The following PDZRN3 variants were observed in gnomAD, a reference collection of about 807,000 sequenced individuals.
The protein encoded by PDZRN3 is E3 ubiquitin-protein ligase PDZRN3.
Under a neutral mutation model 85.7 loss-of-function variants are expected in PDZRN3, and 38 were observed. That is an observed-to-expected ratio of 0.44 (90% CI 0.34 to 0.58). The LOEUF (loss-of-function observed/expected upper bound fraction) is 0.58. Ranked by LOEUF, PDZRN3 falls within the 20% of genes least tolerant of loss-of-function variation. The pLI is 0.01. For synonymous variants in PDZRN3, 759 were observed against 638.0 expected (o/e 1.19, Z -2.86); for missense variants, 1,629 against 1,506.4 (o/e 1.08, Z -1.35).
At chr3:73,393,337 C>G (rs981709256) in intron 5 of PDZRN3, among the ~76,000 whole-genome samples, 4 of 152,070 alleles carry the variant, frequency 2.6e-5, no homozygotes, top group African/African-American at 9.7e-5. Flanking sequence ...TTCTACTGGA[C>G]TTTCTACTAC....
intron 3 of PDZRN3, among the ~76,000 whole-genome samples, chr3:73,503,283 A>C (rs1704015193): frequency 6.6e-6 from 1 of 152,198 alleles, no homozygotes; most frequent in African/African-American, 2.4e-5. Flanking sequence ...TTACAAGCAA[A>C]TGTATAAGTG....
At chr3:73,505,870 C>T (rs979292902) in intron 3 of PDZRN3, among the ~76,000 whole-genome samples, 8 of 151,914 alleles carry the variant, frequency 5.3e-5, no homozygotes, top group Non-Finnish European at 7.4e-5. Flanking sequence ...GACCCCCAAC[C>T]GACTTTCCAA....
At chr3:73,470,436 G>A (rs1444909119) in intron 3 of PDZRN3, among the ~76,000 whole-genome samples, 2 of 152,142 alleles carry the variant, frequency 1.3e-5, no homozygotes, top group African/African-American at 4.8e-5. Flanking sequence ...CAGCTCATTT[G>A]AGCCTCATCC....
In PDZRN3 at chr3:73,624,479, C is replaced by T. The variant is rs1252625811; in HGVS notation, c.347G>A (p.Gly116Asp). The T allele has an allele frequency of 2.1e-6, 3 of 1,398,226 alleles. No homozygotes were observed. The highest frequency in any genetic ancestry group is 2.0e-4 in the Middle Eastern group (1 of 4,898). The allele number at this position is 1,398,226 out of a possible 1,614,324, so 86.6% of individuals were successfully genotyped here. ...GCGCCGCAGCAGCACCTGGCCGCAA[C>T]CCGCGTGGCGACAGCGCGCGGGCGC... Reference protein sequence around the residue: ...DFAPARCRHAGCGQVLLRRDV... With the variant: ...DFAPARCRHADCGQVLLRRDV... The change falls in exon 1 of 10, where the codon GGT becomes GAT. Residue 116 changes from glycine to aspartate, a missense_variant. By Grantham distance (94) the Gly-to-Asp change is moderately conservative. Coordinates refer to ENST00000263666, the MANE Select transcript of PDZRN3 (RefSeq NM_015009.3).
chr3:73,441,922 A>G (rs1702644945), intron 3 of PDZRN3, among the ~76,000 whole-genome samples: 1 of 152,204 alleles, frequency 6.6e-6, no homozygotes, highest in Non-Finnish European at 1.5e-5. Context: ...GTTTCCTTTT[A>G]ATACTTACAG....
intron 5 of PDZRN3, among the ~76,000 whole-genome samples, chr3:73,396,503 C>A (rs1040570639): frequency 6.6e-6 from 1 of 152,154 alleles, no homozygotes; most frequent in African/African-American, 2.4e-5. Flanking sequence ...GCCTCAAAGG[C>A]TAAAGAAAAA....
chr3:73,439,765 G>A (rs1014093894), intron 3 of PDZRN3, among the ~76,000 whole-genome samples: 7 of 151,038 alleles, frequency 4.6e-5, no homozygotes, highest in Non-Finnish European at 3.0e-5. Flanking sequence ...TTGAAACAGA[G>A]TCTCACTCTG....
chr3:73,569,627 G>T, intron 3 of PDZRN3: 1 of 957,290 alleles, frequency 1.0e-6, no homozygotes. Flanking sequence ...CTGTGTCTGG[G>T]GTCTTCTCCA....
chr3:73,524,208 G>A (rs1445421742), intron 3 of PDZRN3, among the ~76,000 whole-genome samples: 1 of 152,206 alleles, frequency 6.6e-6, no homozygotes, highest in Admixed American at 6.5e-5. Flanking sequence ...AGTCAAGGCT[G>A]TAAACATATC....
At chr3:73,511,877 G>A (rs182146551) in intron 3 of PDZRN3, among the ~76,000 whole-genome samples, 1 of 152,270 alleles carries the variant, frequency 6.6e-6, no homozygotes, top group African/African-American at 2.4e-5. Context: ...CCGTCTGGGC[G>A]AATACACAAT....
intron 3 of PDZRN3, among the ~76,000 whole-genome samples, chr3:73,427,931 G>A (rs1048802064): frequency 6.6e-6 from 1 of 152,158 alleles, no homozygotes; most frequent in Admixed American, 6.5e-5. Context: ...GAGTGGGTCG[G>A]GGGATTTTCT....
Position 73,382,815 on chromosome 3 carries a change from T to C in PDZRN3, c.*550A>G, listed in dbSNP as rs1423842259. 6.5e-6 allele frequency: 1 copy of C among 153,138 alleles called. No homozygotes were observed. Among genetic ancestry groups the C allele is most frequent in the Non-Finnish European group, 1.5e-5 (1 of 68,402 alleles). 9.5% of individuals were successfully genotyped at this position (153,138 alleles called of 1,614,324 possible). A position where few individuals can be genotyped will look rare whatever the true frequency, so the allele number is the denominator to read the frequency against. On this transcript the variant is annotated 3_prime_UTR_variant, in exon 10 of 10. Transcript: ENST00000263666. ...AAATGTATATCCCAACTCTAAACGCTGCCGGTTTGGTTATATGTATTAAAT... is the reference window on the plus strand; with the variant it reads ...AAATGTATATCCCAACTCTAAACGCCGCCGGTTTGGTTATATGTATTAAAT...
intron 3 of PDZRN3, among the ~76,000 whole-genome samples, chr3:73,442,549 A>C (rs948096483): frequency 6.6e-6 from 1 of 152,252 alleles, no homozygotes; most frequent in African/African-American, 2.4e-5. Context: ...ACTAGGTGTT[A>C]CAAATCCTCG....
intron 3 of PDZRN3, among the ~76,000 whole-genome samples, chr3:73,555,314 C>T (rs577327494): frequency 1.1e-4 from 17 of 152,186 alleles, no homozygotes; most frequent in African/African-American, 4.1e-4. Flanking sequence ...GGGAAGCTCT[C>T]GGAAGAAACA....
At chr3:73,588,163 C>G (rs898592424) in intron 3 of PDZRN3, among the ~76,000 whole-genome samples, 2 of 152,104 alleles carry the variant, frequency 1.3e-5, no homozygotes, top group Non-Finnish European at 2.9e-5. Context: ...AACTCCTACT[C>G]ATGAGTGAGA....
At chr3:73,503,617 T>A (rs963931741) in intron 3 of PDZRN3, among the ~76,000 whole-genome samples, 3 of 152,358 alleles carry the variant, frequency 2.0e-5, no homozygotes, top group Non-Finnish European at 4.4e-5. Flanking sequence ...GAGGACATCA[T>A]CTAATGCTTT....
chr3:73,474,404 C>T, intron 3 of PDZRN3: 1 of 1,057,138 alleles, frequency 9.5e-7, no homozygotes, highest in Non-Finnish European at 1.3e-6. Flanking sequence ...AATACAATCA[C>T]ATCTTATAAT....
Position 73,527,580 on chromosome 3 carries a change from A to T in PDZRN3, c.918+74774T>A, listed in dbSNP as rs181880335. ...CTCGCTATTTCCAATTCCTAAATCT[A>T]GGACATGAAAAAAAAAATCATACAT... On this transcript the variant is annotated intron_variant, in intron 3 of 9. Transcript: ENST00000263666. Among the ~76,000 whole-genome samples the T allele has an allele frequency of 2.1e-3, 325 of 151,904 alleles. 1 individual carries two copies. The highest frequency in any genetic ancestry group is 7.3e-3 in the South Asian group (35 of 4,808).
chr3:73,586,713 C>G (rs544752206), intron 3 of PDZRN3, among the ~76,000 whole-genome samples: 150 of 152,268 alleles, frequency 9.9e-4, no homozygotes, highest in African/African-American at 2.9e-3. Flanking sequence ...ACCACACATG[C>G]CACACAAAGC....
Sources: allele counts gnomAD v4.1 joint callset (sites outside exome capture counted in the v4.1 genomes callset), GRCh38; gene constraint gnomAD v4.1.1; transcripts MANE v1.5; gene names NCBI Gene and HGNC (gene_info 2026-07-23, HGNC 2026-07-21).